The following ONECUT3 variants were observed in gnomAD, a reference collection of about 807,000 sequenced individuals.
ONECUT3 encodes one cut domain family member 3.
In ONECUT3, 11 loss-of-function variants were observed where a neutral mutation model predicts 16.8. That is an observed-to-expected ratio of 0.66 (90% CI 0.41 to 1.09). ONECUT3 has a LOEUF of 1.09. Ranked by LOEUF, ONECUT3 falls within the 50% of genes least tolerant of loss-of-function variation. ONECUT3 has a pLI of 0.00. For synonymous variants in ONECUT3, 344 were observed against 310.7 expected (o/e 1.11, Z -1.13); for missense variants, 637 against 629.9 (o/e 1.01, Z -0.12).
rs1293140673 is a variant in ONECUT3 at position 1,753,793 on chromosome 19, C to G, written c.131C>G (p.Pro44Arg). 5.2e-6 allele frequency: 5 copies of G among 968,162 alleles called. No individual in the cohort carries two copies. In the African/African-American group the frequency reaches 9.0e-5, roughly 17 times the overall value. 60.0% of individuals were successfully genotyped at this position (968,162 alleles called of 1,614,324 possible). ...CGCGGCCTGGTGGCGCCCGGGCGCC[C>G]GGGCCTGGTGGCCGGCATGGCGAGC... ...QHRGLVAPGR[P>R]GLVAGMASLL... The change falls in exon 1 of 2, where the codon CCG becomes CGG. Residue 44 changes from proline (P) to arginine (R), a missense_variant. Around this residue, in one of 3 missense-constraint regions of ONECUT3, gnomAD observed 419 missense variants for 377.9 expected, o/e 1.11. Transcript: ENST00000382349.
rs1203677816 is a variant in ONECUT3, at chr19:1,779,363, C to A, written c.*3918C>A. 1 of 151,494 alleles carries A rather than the reference C, an allele frequency of 6.6e-6. No individual in the cohort carries two copies. The highest frequency in any genetic ancestry group is 1.5e-5 in the Non-Finnish European group (1 of 67,938). The allele number at this position is 151,494 out of a possible 1,614,324, so 9.4% of individuals were successfully genotyped here. A position where few individuals can be genotyped will look rare whatever the true frequency, so the allele number is the denominator to read the frequency against. On this transcript the variant is annotated 3_prime_UTR_variant, in exon 2 of 2. Transcript: ENST00000382349. ...AAGGACCAGTGGCGTTTACAGATTT[C>A]TTATTTAAATGAGTCCTTTAGGAAA... is the stretch of plus-strand genomic sequence containing the variant.
chr19:1,760,251 C>T (rs988450445), intron 1 of ONECUT3, among the ~76,000 whole-genome samples: 1 of 152,220 alleles, frequency 6.6e-6, no homozygotes, highest in Non-Finnish European at 1.5e-5. Flanking sequence ...AGGACCAGGG[C>T]GTGGCTTTCG....
intron 1 of ONECUT3, among the ~76,000 whole-genome samples, chr19:1,769,062 A>AGGTGAC: frequency 2.5e-5 from 2 of 80,412 alleles, no homozygotes; most frequent in Non-Finnish European, 2.4e-5. Flanking sequence ...GAGTTGCTGG[A>AGGTGAC]GGTGGAGGTG....
chr19:1,778,015 A>AAAAAAAAC lies in ONECUT3; in HGVS notation c.*2573_*2574insAAAACAAA, dbSNP rs1555801681. On this transcript the variant is annotated 3_prime_UTR_variant, in exon 2 of 2. Transcript: ENST00000382349. ...CCTCTCAAAAAAAAAAAAAAAAAAAAAAACTTTAGGTCCAAGAAGATGCAC... is the reference window on the plus strand; with the variant it reads ...CCTCTCAAAAAAAAAAAAAAAAAAAAAAAAAAACAAACTTTAGGTCCAAGAAGATGCAC... 9.0e-5 allele frequency: 13 copies of AAAAAAAAC among 144,862 alleles called. No homozygotes were observed. Among genetic ancestry groups the AAAAAAAAC allele is most frequent in the Non-Finnish European group, 9.1e-5 (6 of 65,874 alleles). The allele number at this position is 144,862 out of a possible 1,614,324, so 9.0% of individuals were successfully genotyped here.
rs2145160161 is a variant in ONECUT3, at chr19:1,780,468, T to G, written c.*5023T>G. The G allele has an allele frequency of 6.7e-6, 1 of 149,522 alleles. No homozygotes were observed. Among genetic ancestry groups the G allele is most frequent in the East Asian group, 2.0e-4 (1 of 5,102 alleles). 9.3% of individuals were successfully genotyped at this position (149,522 alleles called of 1,614,324 possible). A position where few individuals can be genotyped will look rare whatever the true frequency, so the allele number is the denominator to read the frequency against. ...GATGTGCCAGCTTGGGAACAGAGGC[T>G]GGAGGAGAGGGCGGCAGGGGAGAGA... is the stretch of plus-strand genomic sequence containing the variant. On this transcript the variant is annotated 3_prime_UTR_variant, in exon 2 of 2. Transcript: ENST00000382349.
rs1304498694 is a variant in ONECUT3 at position 1,775,077 on chromosome 19, G to A, written c.1193-76G>A. 4.2e-6 allele frequency: 4 copies of A among 963,054 alleles called. No individual in the cohort carries two copies. In the South Asian group the frequency reaches 7.2e-5, roughly 17 times the overall value. 59.7% of individuals were successfully genotyped at this position (963,054 alleles called of 1,614,324 possible). On this transcript the variant is annotated intron_variant, in intron 1 of 1. Transcript: ENST00000382349. ...CCTCCTCATCCTCCGGGCGGCGTGCGCCTCCTGCCTCTCCCCGGCCGGCCA... is the reference window on the plus strand; with the variant it reads ...CCTCCTCATCCTCCGGGCGGCGTGCACCTCCTGCCTCTCCCCGGCCGGCCA...
In ONECUT3 at chr19:1,754,503, G is replaced by A; in HGVS notation, c.841G>A (p.Ala281Thr). 1 of 980,398 alleles carries A rather than the reference G, an allele frequency of 1.0e-6. No homozygotes were observed. Among genetic ancestry groups the A allele is most frequent in the South Asian group, 4.6e-5 (1 of 21,658 alleles). The allele number at this position is 980,398 out of a possible 1,614,324, so 60.7% of individuals were successfully genotyped here. The change falls in exon 1 of 2, where the codon GCG (alanine) becomes ACG (threonine). Residue 281 changes from alanine (A) to threonine (T), a missense_variant. Ala to Thr is a moderately conservative substitution (Grantham distance 58, BLOSUM62 0). Around this residue, in one of 3 missense-constraint regions of ONECUT3, gnomAD observed 419 missense variants for 377.9 expected, o/e 1.11. Coordinates refer to ENST00000382349, the MANE Select transcript of ONECUT3 (RefSeq NM_001080488.2). The surrounding 1 kb of genome is among the most constrained non-coding windows in gnomAD (Gnocchi z 7.4). Reference protein sequence around the residue: ...GSGGAGSGSAAGLLAPLGGLA... With the variant: ...GSGGAGSGSATGLLAPLGGLA... Reference sequence around the variant, plus strand: ...CGGCGGAGCGGGCAGCGGGAGCGCCGCGGGGCTGCTGGCGCCGCTGGGCGG... The same window carrying A: ...CGGCGGAGCGGGCAGCGGGAGCGCCACGGGGCTGCTGGCGCCGCTGGGCGG...
chr19:1,760,527 A>G (rs1006768911), intron 1 of ONECUT3, among the ~76,000 whole-genome samples: 2 of 151,818 alleles, frequency 1.3e-5, no homozygotes, highest in Non-Finnish European at 2.9e-5. Context: ...CAGGAGCCAC[A>G]TCCTTTAGGG....
rs1448786529 is a variant in ONECUT3 at position 1,775,668 on chromosome 19, A to C, written c.*223A>C. The C allele has an allele frequency of 9.7e-6, 4 of 410,526 alleles. No homozygotes were observed. The highest frequency in any genetic ancestry group is 4.4e-5 in the East Asian group (1 of 22,502). 25.4% of individuals were successfully genotyped at this position (410,526 alleles called of 1,614,324 possible). On this transcript the variant is annotated 3_prime_UTR_variant, in exon 2 of 2. Transcript: ENST00000382349. ...CTCCATGCCCACTCCCTCCAGGCCA[A>C]AGGAAGCCCTCCACCCCCCCCCGGA...
At chr19:1,761,514 C>T (rs1396564724) in intron 1 of ONECUT3, among the ~76,000 whole-genome samples, 2 of 152,206 alleles carry the variant, frequency 1.3e-5, no homozygotes, top group African/African-American at 2.4e-5. Flanking sequence ...CCCTGGCCTC[C>T]TGCGTGGATG....
At position 1,775,686 on chromosome 19, in the gene ONECUT3, C is replaced by T; in HGVS notation, c.*241C>T. On this transcript the variant is annotated 3_prime_UTR_variant, in exon 2 of 2. Transcript: ENST00000382349. ...CAGGCCAAAGGAAGCCCTCCACCCCCCCCCGGAGGGGAGGGAGTGACAGAA... is the reference window on the plus strand; with the variant it reads ...CAGGCCAAAGGAAGCCCTCCACCCCTCCCCGGAGGGGAGGGAGTGACAGAA... 5.1e-6 allele frequency: 2 copies of T among 391,638 alleles called. No homozygotes were observed. The highest frequency in any genetic ancestry group is 9.6e-5 in the South Asian group (2 of 20,854). 24.3% of individuals were successfully genotyped at this position (391,638 alleles called of 1,614,324 possible).
rs1002512485 is a variant in ONECUT3, at chr19:1,754,121, G to A, written c.459G>A (p.Pro153=). ...AHPHPAAAPP[P]PPPPQRLAAS... is the part of the protein sequence containing the mutation. ...CGCACCCGGCGGCCGCGCCGCCCCC[G>A]CCACCCCCGCCGCAGCGTCTGGCGG... The change falls in exon 1 of 2, where the codon CCG becomes CCA. Residue 153 remains proline, a synonymous_variant. Coordinates refer to ENST00000382349, the MANE Select transcript of ONECUT3 (RefSeq NM_001080488.2). The surrounding 1 kb of genome is among the most constrained non-coding windows in gnomAD (Gnocchi z 7.4). 3.3e-6 allele frequency: 3 copies of A among 918,126 alleles called. No individual in the cohort carries two copies. The highest frequency in any genetic ancestry group is 7.2e-5 in the Admixed American group (1 of 13,952). The allele number at this position is 918,126 out of a possible 1,614,324, so 56.9% of individuals were successfully genotyped here.
rs1392235971 is a variant in ONECUT3 at position 1,766,956 on chromosome 19, G to T, written c.1193-8197G>T. 6.6e-6 allele frequency among the ~76,000 whole-genome samples: 1 copy of T among 152,118 alleles called. No homozygotes were observed. Among genetic ancestry groups the T allele is most frequent in the Non-Finnish European group, 1.5e-5 (1 of 68,016 alleles). On this transcript the variant is annotated intron_variant, in intron 1 of 1. Coordinates refer to ENST00000382349, the MANE Select transcript of ONECUT3 (RefSeq NM_001080488.2). The surrounding 1 kb of genome is among the most constrained non-coding windows in gnomAD (Gnocchi z 4.0). ...CACGAGGCTAAAAGGAGGAACAGTG[G>T]CCCCTGGGAGTCCCAGAGGAGGGGC...
rs1164929451 is a variant in ONECUT3, at chr19:1,766,282, C to A, written c.1193-8871C>A. 1.3e-5 allele frequency among the ~76,000 whole-genome samples: 2 copies of A among 152,168 alleles called. No homozygotes were observed. The highest frequency in any genetic ancestry group is 4.8e-5 in the African/African-American group (2 of 41,436). ...CCACGCGGGCACACCCGATGGTGGACGGAGGCTGGCACCCTCAGCCCGCAC... is the reference window on the plus strand; with the variant it reads ...CCACGCGGGCACACCCGATGGTGGAAGGAGGCTGGCACCCTCAGCCCGCAC... On this transcript the variant is annotated intron_variant, in intron 1 of 1. Coordinates refer to ENST00000382349, the MANE Select transcript of ONECUT3 (RefSeq NM_001080488.2). The surrounding 1 kb of genome is among the most constrained non-coding windows in gnomAD (Gnocchi z 4.0).
intron 1 of ONECUT3, among the ~76,000 whole-genome samples, chr19:1,757,950 C>T (rs1421125532): frequency 6.6e-6 from 1 of 152,218 alleles, no homozygotes; most frequent in Non-Finnish European, 1.5e-5. Context: ...ATTCCCCGCT[C>T]CGCGAGCACC....
At chr19:1,767,774 G>C (rs1171203551) in intron 1 of ONECUT3, among the ~76,000 whole-genome samples, 1 of 152,250 alleles carries the variant, frequency 6.6e-6, no homozygotes, top group Non-Finnish European at 1.5e-5. Context: ...GGCCCAGGAC[G>C]GTGCCCTGGG....
chr19:1,761,959 G>A (rs941106175), intron 1 of ONECUT3, among the ~76,000 whole-genome samples: 1 of 152,236 alleles, frequency 6.6e-6, no homozygotes, highest in African/African-American at 2.4e-5. Context: ...ACTGGAAGAT[G>A]TGCCTGGCAC....
At chr19:1,757,836 C>T (rs1243313107) in intron 1 of ONECUT3, among the ~76,000 whole-genome samples, 3 of 152,240 alleles carry the variant, frequency 2.0e-5, no homozygotes, top group Admixed American at 6.5e-5. Context: ...CACGGCGACG[C>T]CCCAACGCTG....
chr19:1,753,655 A>G lies in ONECUT3; in HGVS notation c.-8A>G. 1 of 1,042,082 alleles carries G rather than the reference A, an allele frequency of 9.6e-7. No homozygotes were observed. The allele number at this position is 1,042,082 out of a possible 1,614,324, so 64.6% of individuals were successfully genotyped here. A position where few individuals can be genotyped will look rare whatever the true frequency, so the allele number is the denominator to read the frequency against. On this transcript the variant is annotated 5_prime_UTR_variant, in exon 1 of 2. Coordinates refer to ENST00000382349, the MANE Select transcript of ONECUT3 (RefSeq NM_001080488.2). Reference sequence around the variant, plus strand: ...TGAGGAGCGCGCGCGGCGGGAGGGCAGCCGAGCATGGAGCTGAGCCTGGAG... The same window carrying G: ...TGAGGAGCGCGCGCGGCGGGAGGGCGGCCGAGCATGGAGCTGAGCCTGGAG...
Sources: allele counts gnomAD v4.1 joint callset (sites outside exome capture counted in the v4.1 genomes callset), GRCh38; gene constraint gnomAD v4.1.1; regional missense constraint gnomAD v4.1.1; non-coding constraint Gnocchi (gnomAD v3.1); transcripts MANE v1.5; gene names NCBI Gene and HGNC (gene_info 2026-07-23, HGNC 2026-07-21).